MARCHF3: variants seen among roughly 807,000 people sequenced by gnomAD.
The protein encoded by MARCHF3 is membrane associated ring-CH-type finger 3, also known as E3 ubiquitin-protein ligase MARCHF3.
A neutral mutation model predicts 24.2 loss-of-function variants in MARCHF3; 13 were observed. The observed-to-expected ratio is 0.54, with a 90% CI of 0.35 to 0.85. The LOEUF (loss-of-function observed/expected upper bound fraction) is 0.85. MARCHF3 is among the 40% of genes least tolerant of loss of function. The pLI, the probability that MARCHF3 is intolerant of heterozygous loss-of-function variation, is 0.01. For synonymous variants in MARCHF3, 144 were observed against 137.3 expected (o/e 1.05, Z -0.34); for missense variants, 276 against 325.0 (o/e 0.85, Z 1.16).
intron 3 of MARCHF3, among the ~76,000 whole-genome samples, chr5:126,900,560 C>T (rs1400516252): frequency 6.6e-6 from 1 of 152,032 alleles, no homozygotes; most frequent in African/African-American, 2.4e-5. Context: ...ACTTCCCAGC[C>T]TCCAGGACTG....
intron 1 of MARCHF3, among the ~76,000 whole-genome samples, chr5:126,954,199 A>ATTTTTT (rs750262766): frequency 1.8e-4 from 20 of 114,078 alleles, no homozygotes; most frequent in Non-Finnish European, 2.3e-4. Flanking sequence ...CGCCCGGCTA[A>ATTTTTT]TTTTTTTTTT....
intron 3 of MARCHF3, among the ~76,000 whole-genome samples, chr5:126,909,454 G>A (rs1754430692): frequency 6.6e-6 from 1 of 152,230 alleles, no homozygotes; most frequent in Non-Finnish European, 1.5e-5. Context: ...TCAGACTGCT[G>A]TGCTAGCAAT....
At chr5:126,984,147 T>C (rs1476657365) in intron 1 of MARCHF3, among the ~76,000 whole-genome samples, 1 of 152,142 alleles carries the variant, frequency 6.6e-6, no homozygotes, top group Non-Finnish European at 1.5e-5. Flanking sequence ...TACTGTCTTT[T>C]GAGCCATGCC....
intron 1 of MARCHF3, among the ~76,000 whole-genome samples, chr5:127,000,426 G>T (rs1474969546): frequency 1.3e-5 from 2 of 152,156 alleles, no homozygotes; most frequent in East Asian, 1.9e-4. Context: ...AGCCAAGGGG[G>T]TTCGAGGTCC....
At chr5:126,889,015 T>C (rs1451399945) in intron 3 of MARCHF3, among the ~76,000 whole-genome samples, 1 of 152,244 alleles carries the variant, frequency 6.6e-6, no homozygotes, top group South Asian at 2.1e-4. Flanking sequence ...TCCACCCGCC[T>C]TGGCCTCCCA....
chr5:126,892,194 G>A (rs74630001), intron 3 of MARCHF3, among the ~76,000 whole-genome samples: 45,535 of 117,466 alleles, frequency 0.39, 8,430 homozygotes, highest in East Asian at 0.55. Flanking sequence ...TTGGGCTGAG[G>A]CAATGGGGTT....
chr5:126,962,832 TGC>T lies in MARCHF3; in HGVS notation c.-56-44607_-56-44606del, dbSNP rs1425755746. On this transcript the variant is annotated intron_variant, in intron 1 of 4. Transcript: ENST00000308660. ...CTCAACCTGTGTGTGTGTGTGTGTG[TGC>T]GTGTGTGTGTGTGTGTGTGTGTGTA... Among the ~76,000 whole-genome samples the T allele has an allele frequency of 2.1e-3, 189 of 91,682 alleles. 1 individual carries two copies. Among genetic ancestry groups the T allele is most frequent in the African/African-American group, 9.1e-3 (179 of 19,650 alleles). 60.1% of individuals were successfully genotyped at this position (91,682 alleles called of 152,430 possible).
chr5:126,883,999 T>C (rs1006661488), intron 3 of MARCHF3, among the ~76,000 whole-genome samples: 3 of 152,216 alleles, frequency 2.0e-5, no homozygotes, highest in Non-Finnish European at 4.4e-5. Flanking sequence ...CACTTGGGCT[T>C]ATCTGCCTGA....
At chr5:126,896,529 G>C (rs969045686) in intron 3 of MARCHF3, among the ~76,000 whole-genome samples, 1 of 152,032 alleles carries the variant, frequency 6.6e-6, no homozygotes, top group Non-Finnish European at 1.5e-5. Flanking sequence ...GCAACCCCTA[G>C]GTGTCCCTGT....
chr5:126,956,645 CAA>C (rs60640113), intron 1 of MARCHF3, among the ~76,000 whole-genome samples: 9 of 20,598 alleles, frequency 4.4e-4, no homozygotes, highest in African/African-American at 1.7e-3. Context: ...GCTCTGTCTC[CAA>C]AAAAAAAAAA....
At chr5:127,021,451 T>C (rs570699809) in intron 1 of MARCHF3, among the ~76,000 whole-genome samples, 4 of 152,340 alleles carry the variant, frequency 2.6e-5, no homozygotes, top group South Asian at 4.1e-4. Context: ...CACACAGATT[T>C]CATAATTTCA....
At chr5:126,948,081 G>T (rs750724494) in intron 1 of MARCHF3, among the ~76,000 whole-genome samples, 17 of 152,148 alleles carry the variant, frequency 1.1e-4, no homozygotes, top group Admixed American at 2.0e-4. Flanking sequence ...GCAGGAGCCA[G>T]GAAATGCCTA....
chr5:126,917,914 T>G (rs6878745), intron 2 of MARCHF3, 70 bp downstream of exon 2: 2 of 1,507,616 alleles, frequency 1.3e-6, no homozygotes, highest in Admixed American at 3.7e-5. Flanking sequence ...ACATTCCCAT[T>G]AGCATTTTCC....
chr5:127,018,790 C>A (rs974778573), intron 1 of MARCHF3, among the ~76,000 whole-genome samples: 4 of 152,134 alleles, frequency 2.6e-5, no homozygotes, highest in African/African-American at 7.2e-5. Context: ...CAAAGGGAAA[C>A]CATGGAGAGC....
At chr5:126,994,867 A>C (rs1021194328) in intron 1 of MARCHF3, among the ~76,000 whole-genome samples, 1 of 152,366 alleles carries the variant, frequency 6.6e-6, no homozygotes, top group Middle Eastern at 3.4e-3. Flanking sequence ...CGGTGGCCGA[A>C]GGCCCAAGAG....
chr5:126,985,992 C>T (rs1007174743), intron 1 of MARCHF3, among the ~76,000 whole-genome samples: 1 of 152,202 alleles, frequency 6.6e-6, no homozygotes, highest in Admixed American at 6.5e-5. Context: ...GAGTTTAAAT[C>T]ATTAGCAGAA....
intron 1 of MARCHF3, among the ~76,000 whole-genome samples, chr5:126,962,732 A>G (rs898629680): frequency 3.9e-5 from 6 of 152,006 alleles, no homozygotes; most frequent in Admixed American, 1.3e-4. Context: ...CATTATGTAT[A>G]TGCAAATATC....
At chr5:126,982,769 C>T (rs554994930) in intron 1 of MARCHF3, among the ~76,000 whole-genome samples, 2 of 152,330 alleles carry the variant, frequency 1.3e-5, no homozygotes, top group South Asian at 4.1e-4. Context: ...ACTCTGAGCA[C>T]TAATTAGATC....
chr5:126,953,519 TG>T (rs1750324130), intron 1 of MARCHF3, among the ~76,000 whole-genome samples: 1 of 152,198 alleles, frequency 6.6e-6, no homozygotes. Flanking sequence ...TATTGATGAA[TG>T]GCTCAATGGT....
Sources: allele counts gnomAD v4.1 joint callset (sites outside exome capture counted in the v4.1 genomes callset), GRCh38; gene constraint gnomAD v4.1.1; transcripts MANE v1.5; gene names NCBI Gene and HGNC (gene_info 2026-07-23, HGNC 2026-07-21).